FRMD4A: variants seen among roughly 807,000 people sequenced by gnomAD.
The protein encoded by FRMD4A is FERM domain-containing protein 4A.
Under a neutral mutation model 129.1 loss-of-function variants are expected in FRMD4A, and 29 were observed. The ratio of observed to expected loss-of-function variants is 0.22; its 90% CI spans 0.17 to 0.31. The LOEUF is 0.31. Among genes scored for constraint, FRMD4A ranks in the 10% least tolerant of loss-of-function variants. The pLI, the probability that FRMD4A is intolerant of heterozygous loss-of-function variation, is 1.00. For missense variants in FRMD4A, 1,272 were observed against 1,375.8 expected, an observed-to-expected ratio of 0.92 and a Z score of 1.19; for synonymous variants, 634 against 571.6, an observed-to-expected ratio of 1.11 and a Z score of -1.56.
chr10:13,745,783 C>CT (rs1456446142), intron 9 of FRMD4A, among the ~76,000 whole-genome samples: 1 of 152,196 alleles, frequency 6.6e-6, no homozygotes, highest in Non-Finnish European at 1.5e-5. Flanking sequence ...CTCCCTGGTC[C>CT]TCTCTAGTTA....
chr10:14,198,481 G>A (rs890070830), intron 2 of FRMD4A, among the ~76,000 whole-genome samples: 2 of 152,192 alleles, frequency 1.3e-5, no homozygotes, highest in Admixed American at 6.5e-5. Context: ...GGGGCCAGGA[G>A]GCTGCATCCC....
intron 2 of FRMD4A, among the ~76,000 whole-genome samples, chr10:14,319,815 C>A (rs1301988820): frequency 6.6e-6 from 1 of 152,192 alleles, no homozygotes; most frequent in Non-Finnish European, 1.5e-5. Context: ...TCCACCTCTA[C>A]TGGCAAATCT....
chr10:13,879,505 C>G (rs1028431258), intron 2 of FRMD4A, among the ~76,000 whole-genome samples: 1 of 151,958 alleles, frequency 6.6e-6, no homozygotes, highest in Non-Finnish European at 1.5e-5. Flanking sequence ...AGGGTGATAC[C>G]CCATCTCCCC....
intron 6 of FRMD4A, among the ~76,000 whole-genome samples, chr10:13,766,840 C>T (rs1008767963): frequency 2.0e-5 from 3 of 152,080 alleles, no homozygotes; most frequent in South Asian, 4.2e-4. Flanking sequence ...TTTGGGAGAC[C>T]GAGGAGGGCA....
chr10:14,249,991 CAG>C (rs1844379692), intron 2 of FRMD4A, among the ~76,000 whole-genome samples: 1 of 152,078 alleles, frequency 6.6e-6, no homozygotes, highest in South Asian at 2.1e-4. Context: ...TTATTTGAGA[CAG>C]AGTTTTGTTC....
At chr10:14,111,537 T>C (rs1347703250) in intron 2 of FRMD4A, among the ~76,000 whole-genome samples, 1 of 152,164 alleles carries the variant, frequency 6.6e-6, no homozygotes, top group Non-Finnish European at 1.5e-5. Flanking sequence ...GCACTATGGT[T>C]AGGGAAAGAT....
intron 3 of FRMD4A, among the ~76,000 whole-genome samples, chr10:13,832,532 T>C (rs1301144986): frequency 6.6e-6 from 1 of 152,208 alleles, no homozygotes; most frequent in Non-Finnish European, 1.5e-5. Context: ...CTTGGGTGGG[T>C]CGAGGAATCT....
At chr10:14,074,416 T>C (rs1835466143) in intron 2 of FRMD4A, 1 of 152,174 alleles carries the variant, frequency 6.6e-6, no homozygotes, top group Non-Finnish European at 1.5e-5. Flanking sequence ...GCTGCAGTGT[T>C]GGATATGCCG....
At chr10:14,030,649 C>G (rs908413833) in intron 2 of FRMD4A, among the ~76,000 whole-genome samples, 1 of 152,218 alleles carries the variant, frequency 6.6e-6, no homozygotes, top group African/African-American at 2.4e-5. Flanking sequence ...TCTGCTCCAG[C>G]TATCTCTTGG....
intron 2 of FRMD4A, among the ~76,000 whole-genome samples, chr10:14,072,650 A>T (rs1300007022): frequency 6.6e-6 from 1 of 152,146 alleles, no homozygotes; most frequent in Non-Finnish European, 1.5e-5. Flanking sequence ...AACCATCTCC[A>T]CAAAGGACCA....
intron 2 of FRMD4A, among the ~76,000 whole-genome samples, chr10:13,955,739 C>T (rs947437847): frequency 5.3e-5 from 8 of 152,152 alleles, no homozygotes; most frequent in African/African-American, 1.7e-4. Flanking sequence ...GAATTTCTAG[C>T]GTATTAAAGG....
intron 2 of FRMD4A, among the ~76,000 whole-genome samples, chr10:13,913,622 T>C (rs537641454): frequency 6.6e-6 from 1 of 152,170 alleles, no homozygotes; most frequent in South Asian, 2.1e-4. Context: ...TTCATTCATA[T>C]GACAAACATC....
At chr10:14,290,193 T>C (rs1845807868) in intron 2 of FRMD4A, among the ~76,000 whole-genome samples, 1 of 151,976 alleles carries the variant, frequency 6.6e-6, no homozygotes, top group African/African-American at 2.4e-5. Flanking sequence ...CCTATCAAAA[T>C]CCTAATGGCA....
At chr10:14,033,183 T>C (rs1199927481) in intron 2 of FRMD4A, among the ~76,000 whole-genome samples, 1 of 151,998 alleles carries the variant, frequency 6.6e-6, no homozygotes, top group Non-Finnish European at 1.5e-5. Context: ...GGCACATGCT[T>C]GTAATCCCAG....
In FRMD4A at chr10:13,656,660, G is replaced by C. The variant is rs754169439; in HGVS notation, c.2929C>G (p.Pro977Ala). ...CCTGACGTGGCCTTGCACATCTGGG[G>C]CATCCTGGTGACCCTGCTGTGCGCC... Reference protein sequence around the residue: ...FVAHSRVTRMPQMCKATSAAL... With the variant: ...FVAHSRVTRMAQMCKATSAAL... The change falls in exon 22 of 25, where the codon CCC (proline) becomes GCC (alanine). Residue 977 changes from proline (P) to alanine (A), a missense_variant. Physicochemically the swap from Pro to Ala is conservative, Grantham distance 27 (BLOSUM62 -1). This residue lies in a region of FRMD4A where 972 missense variants were observed against 892.3 expected (regional missense o/e 1.09). Transcript: ENST00000357447. The C allele has an allele frequency of 2.0e-6, 3 of 1,500,616 alleles. No homozygotes were observed. Among genetic ancestry groups the C allele is most frequent in the Non-Finnish European group, 2.7e-6 (3 of 1,119,830 alleles). 93.0% of individuals were successfully genotyped at this position (1,500,616 alleles called of 1,614,324 possible). A position where few individuals can be genotyped will look rare whatever the true frequency, so the allele number is the denominator to read the frequency against.
intron 2 of FRMD4A, among the ~76,000 whole-genome samples, chr10:14,014,209 T>A (rs2131638528): frequency 6.6e-6 from 1 of 152,174 alleles, no homozygotes; most frequent in Middle Eastern, 3.4e-3. Flanking sequence ...GTTGTAATTA[T>A]TGTCATGTGA....
intron 17 of FRMD4A, 80 bp from the exon 18 acceptor site, chr10:13,666,405 G>T: frequency 1.0e-6 from 1 of 968,486 alleles, no homozygotes; most frequent in Non-Finnish European, 1.6e-6. Context: ...CCTGTCCCAA[G>T]GCAAGTCCAG....
intron 2 of FRMD4A, chr10:14,007,468 A>G (rs2095666137): frequency 6.6e-6 from 1 of 152,468 alleles, no homozygotes; most frequent in Non-Finnish European, 1.5e-5. Flanking sequence ...GCTTCCATAA[A>G]GTAAACATGC....
At chr10:14,278,701 T>C (rs999510583) in intron 2 of FRMD4A, among the ~76,000 whole-genome samples, 2 of 152,174 alleles carry the variant, frequency 1.3e-5, no homozygotes, top group Admixed American at 6.5e-5. Flanking sequence ...ATGGGGATCA[T>C]GCGTTTTCCA....
Sources: gnomAD v4.1 joint callset for allele counts (sites outside exome capture counted in the v4.1 genomes callset) on GRCh38, gnomAD v4.1.1 for gene constraint, gnomAD v4.1.1 regional missense constraint, MANE v1.5 for transcripts, NCBI Gene and HGNC (gene_info 2026-07-23, HGNC 2026-07-21) for gene names.